UNC13C: variants seen among roughly 807,000 people sequenced by gnomAD.
UNC13C encodes protein unc-13 homolog C.
Under a neutral mutation model 245.4 loss-of-function variants are expected in UNC13C, and 174 were observed. That is an observed-to-expected ratio of 0.71 (90% CI 0.63 to 0.80). UNC13C has a LOEUF of 0.80. Among genes scored for constraint, UNC13C ranks in the 30% least tolerant of loss-of-function variants. The probability of loss-of-function intolerance (pLI) is 0.00; values close to 1 mark genes in which losing one functional copy is unlikely to be tolerated. For missense variants in UNC13C, 2,829 were observed against 2,602.9 expected, an observed-to-expected ratio of 1.09 and a Z score of -1.89; for synonymous variants, 992 against 895.1, an observed-to-expected ratio of 1.11 and a Z score of -1.93.
intron 18 of UNC13C, among the ~76,000 whole-genome samples, chr15:54,403,459 C>T (rs1013032910): frequency 5.3e-5 from 8 of 151,996 alleles, no homozygotes; most frequent in African/African-American, 9.7e-5. Flanking sequence ...CAGTGGTTCA[C>T]GCATGTAATC....
rs764015741 is a variant in UNC13C at position 54,623,785 on chromosome 15, T to C, written c.6200-10T>C. On this transcript the variant is annotated splice_polypyrimidine_tract_variant and intron_variant, in intron 31 of 32. Coordinates refer to ENST00000260323, the MANE Select transcript of UNC13C (RefSeq NM_001080534.3). ...CTGTTTGCTAAAATGTGATATTTCC[T>C]TTTTTTTAGTGATTGCTATTAATGA... 4 of 1,572,740 alleles carry C rather than the reference T, an allele frequency of 2.5e-6. No homozygotes were observed. Among genetic ancestry groups the C allele is most frequent in the Non-Finnish European group, 3.4e-6 (4 of 1,161,314 alleles).
chr15:53,990,422 C>T (rs1054159727), intron 1 of UNC13C, among the ~76,000 whole-genome samples: 4 of 151,948 alleles, frequency 2.6e-5, no homozygotes, highest in African/African-American at 9.7e-5. Context: ...CTCTGCTAGC[C>T]AAGAAATTGG....
intron 29 of UNC13C, among the ~76,000 whole-genome samples, chr15:54,556,736 G>A (rs1207443034): frequency 1.5e-5 from 1 of 66,832 alleles, no homozygotes; most frequent in African/African-American, 7.6e-5. Context: ...TTTATAAAAG[G>A]ACATGCTAGT....
chr15:54,375,123 T>A (rs1040176265), intron 17 of UNC13C, among the ~76,000 whole-genome samples: 2 of 152,190 alleles, frequency 1.3e-5, no homozygotes, highest in African/African-American at 4.8e-5. Context: ...TACCTGTAAG[T>A]AGAATTACAG....
chr15:53,896,156 C>T, the UNC13C span, among the ~76,000 whole-genome samples: 4 of 151,950 alleles, frequency 2.6e-5, no homozygotes, highest in Admixed American at 2.0e-4. Context: ...TTCATGAATA[C>T]ATTTGAATAT....
intron 16 of UNC13C, among the ~76,000 whole-genome samples, chr15:54,335,322 C>T (rs372983290): frequency 2.5e-4 from 38 of 152,256 alleles, no homozygotes; most frequent in African/African-American, 8.2e-4. Flanking sequence ...AATAGCAAAA[C>T]TCCTTGAAAT....
chr15:54,128,563 A>T (rs2031203641), intron 2 of UNC13C, among the ~76,000 whole-genome samples: 1 of 152,178 alleles, frequency 6.6e-6, no homozygotes, highest in Non-Finnish European at 1.5e-5. Flanking sequence ...TTTTGCTGGA[A>T]ACCTGAACAG....
chr15:53,974,768 C>T (rs921266916), upstream of UNC13C: 8 of 148,908 alleles, frequency 5.4e-5, no homozygotes, highest in South Asian at 1.1e-3. Flanking sequence ...AAACAATGAA[C>T]ATTTATTATC....
chr15:54,563,629 G>A (rs532236964), intron 29 of UNC13C, among the ~76,000 whole-genome samples: 21 of 152,022 alleles, frequency 1.4e-4, no homozygotes, highest in African/African-American at 4.3e-4. Flanking sequence ...ATTTTACTGG[G>A]CTTTAAACCC....
chr15:54,284,589 G>T (rs1272160545), intron 10 of UNC13C, among the ~76,000 whole-genome samples: 1 of 151,888 alleles, frequency 6.6e-6, no homozygotes, highest in Non-Finnish European at 1.5e-5. Context: ...CAAAGAAATG[G>T]TGAATAGAAA....
chr15:54,443,362 G>T (rs1006875687), intron 19 of UNC13C, among the ~76,000 whole-genome samples: 11 of 151,828 alleles, frequency 7.2e-5, no homozygotes, highest in Admixed American at 3.9e-4. Flanking sequence ...AATCCAATTT[G>T]TTTCATTGAT....
intron 2 of UNC13C, among the ~76,000 whole-genome samples, chr15:54,129,270 C>G (rs528463906): frequency 1.3e-5 from 2 of 152,136 alleles, no homozygotes; most frequent in African/African-American, 4.8e-5. Flanking sequence ...TACATACATC[C>G]ACACTGCTAG....
At chr15:53,905,970 A>G in the UNC13C span, among the ~76,000 whole-genome samples, 2 of 152,186 alleles carry the variant, frequency 1.3e-5, no homozygotes, top group African/African-American at 4.8e-5. Context: ...ATATGTAAAT[A>G]TCTATCATCC....
intron 4 of UNC13C, among the ~76,000 whole-genome samples, chr15:54,233,458 A>G (rs944170030): frequency 1.3e-4 from 20 of 152,312 alleles, no homozygotes; most frequent in African/African-American, 4.8e-4. Flanking sequence ...CAATGGTTTT[A>G]ATATTTCACG....
the UNC13C span, among the ~76,000 whole-genome samples, chr15:53,846,517 C>T: frequency 6.6e-6 from 1 of 152,076 alleles, no homozygotes; most frequent in African/African-American, 2.4e-5. Flanking sequence ...TACTTATTTT[C>T]CACATTTATA....
At chr15:54,607,105 G>C (rs1030115032) in intron 30 of UNC13C, among the ~76,000 whole-genome samples, 2 of 152,158 alleles carry the variant, frequency 1.3e-5, no homozygotes, top group African/African-American at 4.8e-5. Flanking sequence ...AAAAAATTAT[G>C]TAATAAATTT....
rs146587731 is a variant in UNC13C at position 54,138,251 on chromosome 15, T to C, written c.2984-4767T>C. The stretch of plus-strand genomic sequence containing the variant: ...TTCCAAAATGTACACTCTAGAGGAA[T>C]ATATATTCTGTTGCTGTTGGGTAGA... On this transcript the variant is annotated intron_variant, in intron 2 of 32. Coordinates refer to ENST00000260323, the MANE Select transcript of UNC13C (RefSeq NM_001080534.3). Among the ~76,000 whole-genome samples, 1,137 of 152,294 alleles carry C rather than the reference T, an allele frequency of 7.5e-3. 20 individuals carry two copies. Among genetic ancestry groups the C allele is most frequent in the African/African-American group, 0.026 (1,084 of 41,562 alleles).
chr15:54,502,351 A>G (rs1219886031), intron 22 of UNC13C, among the ~76,000 whole-genome samples: 1 of 152,206 alleles, frequency 6.6e-6, no homozygotes, highest in East Asian at 1.9e-4. Context: ...AAGCAGAGAC[A>G]GACAGAGAGA....
At chr15:54,420,584 C>A (rs2040620084) in intron 19 of UNC13C, among the ~76,000 whole-genome samples, 1 of 151,600 alleles carries the variant, frequency 6.6e-6, no homozygotes, top group Admixed American at 6.6e-5. Context: ...TTAGTATTTG[C>A]CTTTCTGATC....
Sources: gnomAD v4.1 joint callset for allele counts (sites outside exome capture counted in the v4.1 genomes callset) on GRCh38, gnomAD v4.1.1 for gene constraint, MANE v1.5 for transcripts, NCBI Gene and HGNC (gene_info 2026-07-23, HGNC 2026-07-21) for gene names.